The following PTBP3 variants were observed in gnomAD, a reference collection of about 807,000 sequenced individuals.
PTBP3 encodes the protein polypyrimidine tract binding protein 3, also known as polypyrimidine tract-binding protein 3.
A neutral mutation model predicts 58.7 loss-of-function variants in PTBP3; 20 were observed. The observed-to-expected ratio is 0.34, with a 90% CI of 0.24 to 0.50. PTBP3 has a LOEUF of 0.50. Ranked by LOEUF, PTBP3 falls within the 20% of genes least tolerant of loss-of-function variation. The pLI, the probability that PTBP3 is intolerant of heterozygous loss-of-function variation, is 0.98. For missense variants in PTBP3, 509 were observed against 637.2 expected, an observed-to-expected ratio of 0.80 and a Z score of 2.17; for synonymous variants, 185 against 219.8, an observed-to-expected ratio of 0.84 and a Z score of 1.40.
chr9:112,315,418 G>T (rs1481646884), intron 1 of PTBP3, among the ~76,000 whole-genome samples: 1 of 151,886 alleles, frequency 6.6e-6, no homozygotes, highest in Non-Finnish European at 1.5e-5. Flanking sequence ...AAAATATTTT[G>T]AACTAAGTGA....
intron 7 of PTBP3, among the ~76,000 whole-genome samples, chr9:112,237,913 A>C (rs564650992): frequency 5.3e-5 from 8 of 152,368 alleles, no homozygotes; most frequent in Non-Finnish European, 8.8e-5. Flanking sequence ...AAAAATTTAC[A>C]GTCCAAATTT....
At chr9:112,326,670 T>A (rs1310882055) in intron 1 of PTBP3, among the ~76,000 whole-genome samples, 1 of 152,260 alleles carries the variant, frequency 6.6e-6, no homozygotes, top group East Asian at 1.9e-4. Flanking sequence ...TATGTAAGAC[T>A]GTCATTTTCT....
chr9:112,237,954 G>T (rs2027384), intron 7 of PTBP3, among the ~76,000 whole-genome samples: 5 of 151,940 alleles, frequency 3.3e-5, no homozygotes, highest in Non-Finnish European at 7.4e-5. Context: ...GGAAAATCAA[G>T]CTATAAATTT....
intron 2 of PTBP3, among the ~76,000 whole-genome samples, chr9:112,285,261 C>G (rs2132253351): frequency 6.6e-6 from 1 of 152,314 alleles, no homozygotes; most frequent in Middle Eastern, 3.4e-3. Context: ...CACTCACTCT[C>G]TCTCGCCTGC....
chr9:112,291,109 C>T (rs978395286), intron 2 of PTBP3, among the ~76,000 whole-genome samples: 5 of 152,014 alleles, frequency 3.3e-5, no homozygotes, highest in African/African-American at 1.2e-4. Context: ...GTAGTCCCAG[C>T]TACTTGGGAG....
intron 2 of PTBP3, among the ~76,000 whole-genome samples, chr9:112,277,597 CT>C (rs1827663671): frequency 6.6e-6 from 1 of 152,038 alleles, no homozygotes; most frequent in African/African-American, 2.4e-5. Context: ...TGATTCACGC[CT>C]GTAATCCCAG....
chr9:112,230,189 T>C (rs2131969375), intron 10 of PTBP3, among the ~76,000 whole-genome samples: 1 of 152,084 alleles, frequency 6.6e-6, no homozygotes, highest in East Asian at 1.9e-4. Context: ...AGCCTGGTGT[T>C]GTGGCTTGCA....
intron 5 of PTBP3, among the ~76,000 whole-genome samples, chr9:112,256,509 T>C (rs1158288371): frequency 2.0e-5 from 3 of 151,934 alleles, no homozygotes; most frequent in South Asian, 2.1e-4. Context: ...CTAGACCTGG[T>C]TGGAGAATTA....
At chr9:112,342,307 A>T in the PTBP3 span, among the ~76,000 whole-genome samples, 3 of 152,154 alleles carry the variant, frequency 2.0e-5, no homozygotes, top group Non-Finnish European at 2.9e-5. Flanking sequence ...GGCCTCCATA[A>T]GTCTCCTCTC....
chr9:112,304,770 A>G (rs1056098013), intron 1 of PTBP3, among the ~76,000 whole-genome samples: 5 of 152,022 alleles, frequency 3.3e-5, no homozygotes. Context: ...TTTTTTTATT[A>G]TACTTTACTC....
At chr9:112,268,325 G>T (rs768610126) in intron 3 of PTBP3, 130 bp from the exon 4 acceptor site, 2 of 888,116 alleles carry the variant, frequency 2.3e-6, no homozygotes, top group Non-Finnish European at 3.1e-6. Context: ...CAAGGGGAGG[G>T]AAAAACAAAA....
At chr9:112,374,488 T>C in the PTBP3 span, among the ~76,000 whole-genome samples, 1 of 152,184 alleles carries the variant, frequency 6.6e-6, no homozygotes. Context: ...TGAACACTGA[T>C]TCAGAGCATA....
At position 112,266,543 on chromosome 9, in the gene PTBP3, T is replaced by C. The variant is rs546022022; in HGVS notation, c.351+1506A>G. Reference sequence around the variant, plus strand: ...CCACGGCAATATACATTGTATTGGATTGGAATATGCTGCATTGGAATATAC... The same window carrying C: ...CCACGGCAATATACATTGTATTGGACTGGAATATGCTGCATTGGAATATAC... On this transcript the variant is annotated intron_variant, in intron 4 of 13. Coordinates refer to ENST00000374257, the MANE Select transcript of PTBP3 (RefSeq NM_001163788.4). Among the ~76,000 whole-genome samples the C allele has an allele frequency of 1.9e-4, 29 of 152,268 alleles. 1 individual carries two copies. The South Asian group carries it at 5.8e-3, about 30-fold the overall frequency.
At position 112,222,361 on chromosome 9, in the gene PTBP3, A is replaced by C; in HGVS notation, c.*1490T>G. 2.6e-5 allele frequency: 26 copies of C among 985,612 alleles called. No individual in the cohort carries two copies. The highest frequency in any genetic ancestry group is 3.1e-5 in the Non-Finnish European group (26 of 829,714). The allele number at this position is 985,612 out of a possible 1,614,324, so 61.1% of individuals were successfully genotyped here. ...AGTATGAGAAATAACCCACCTTCTCATACTCCAAATACGTGGGTACTCAGT... is the reference window on the plus strand; with the variant it reads ...AGTATGAGAAATAACCCACCTTCTCCTACTCCAAATACGTGGGTACTCAGT... On this transcript the variant is annotated 3_prime_UTR_variant, in exon 14 of 14. Coordinates refer to ENST00000374257, the MANE Select transcript of PTBP3 (RefSeq NM_001163788.4).
the PTBP3 span, among the ~76,000 whole-genome samples, chr9:112,362,280 C>A: frequency 2.6e-5 from 4 of 152,118 alleles, no homozygotes; most frequent in African/African-American, 7.2e-5. Flanking sequence ...ACCTGAGCAA[C>A]AAAGTAAGAC....
chr9:112,249,408 C>T (rs1255913601), intron 7 of PTBP3, among the ~76,000 whole-genome samples: 1 of 151,768 alleles, frequency 6.6e-6, no homozygotes, highest in Non-Finnish European at 1.5e-5. Flanking sequence ...AAAGAGAAAC[C>T]TTTAAAAGAG....
intron 8 of PTBP3, among the ~76,000 whole-genome samples, chr9:112,232,772 C>T (rs1357906943): frequency 6.6e-6 from 1 of 152,062 alleles, no homozygotes; most frequent in Non-Finnish European, 1.5e-5. Context: ...TTACAGAATT[C>T]AATATTCTTT....
chr9:112,256,471 C>T (rs1410004072), intron 5 of PTBP3, among the ~76,000 whole-genome samples: 1 of 151,654 alleles, frequency 6.6e-6, no homozygotes, highest in African/African-American at 2.4e-5. Context: ...GACTAAAATG[C>T]TTATTATTAA....
At chr9:112,255,484 T>TA (rs914083186) in intron 5 of PTBP3, among the ~76,000 whole-genome samples, 17 of 151,924 alleles carry the variant, frequency 1.1e-4, no homozygotes, top group African/African-American at 3.9e-4. Context: ...CGTTAGACTT[T>TA]AAAAAAAAGG....
Sources: allele counts gnomAD v4.1 joint callset (sites outside exome capture counted in the v4.1 genomes callset), GRCh38; gene constraint gnomAD v4.1.1; transcripts MANE v1.5; gene names NCBI Gene and HGNC (gene_info 2026-07-23, HGNC 2026-07-21).